SV2C: variants seen among roughly 807,000 people sequenced by gnomAD.
The protein encoded by SV2C is synaptic vesicle glycoprotein 2C.
Under a neutral mutation model 79.7 loss-of-function variants are expected in SV2C, and 49 were observed. That is an observed-to-expected ratio of 0.61 (90% CI 0.49 to 0.78). The LOEUF (loss-of-function observed/expected upper bound fraction) is 0.78. SV2C is among the 30% of genes least tolerant of loss of function. The probability of loss-of-function intolerance (pLI) is 0.00; values close to 1 mark genes in which losing one functional copy is unlikely to be tolerated. For synonymous variants in SV2C, 334 were observed against 333.2 expected, an observed-to-expected ratio of 1.00 and a Z score of -0.03; for missense variants, 833 against 912.9, an observed-to-expected ratio of 0.91 and a Z score of 1.13.
In SV2C at chr5:76,267,322, A is replaced by AT. The variant is rs1746694461; in HGVS notation, c.914-17839dup. Among the ~76,000 whole-genome samples the AT allele has an allele frequency of 3.3e-5, 5 of 152,220 alleles. No homozygotes were observed. The South Asian group carries it at 1.0e-3, about 31-fold the overall frequency. On this transcript the variant is annotated intron_variant, in intron 4 of 12. Coordinates refer to ENST00000502798, the MANE Select transcript of SV2C (RefSeq NM_014979.4). Reference sequence around the variant, plus strand: ...GGAAATTTATGGTTAATGCATATATATGAGGGAGTCTCTGAACCTATTCTG... The same window carrying AT: ...GGAAATTTATGGTTAATGCATATATATTGAGGGAGTCTCTGAACCTATTCTG...
chr5:75,943,442 A>T, the SV2C span, among the ~76,000 whole-genome samples: 8 of 152,142 alleles, frequency 5.3e-5, no homozygotes, highest in African/African-American at 1.9e-4. Flanking sequence ...TCTTTTTCTC[A>T]GAACACAATG....
intron 12 of SV2C, among the ~76,000 whole-genome samples, chr5:76,320,754 T>C (rs1056164541): frequency 5.3e-5 from 8 of 152,176 alleles, no homozygotes; most frequent in African/African-American, 1.9e-4. Flanking sequence ...TAAATCTCCT[T>C]ATGTTTTTAG....
chr5:76,197,797 C>A (rs1744317697), intron 3 of SV2C, among the ~76,000 whole-genome samples: 1 of 151,976 alleles, frequency 6.6e-6, no homozygotes, highest in Admixed American at 6.6e-5. Context: ...AGTCCCATGG[C>A]AGGCCTTCTG....
chr5:75,939,344 A>G, the SV2C span, among the ~76,000 whole-genome samples: 2 of 151,934 alleles, frequency 1.3e-5, no homozygotes, highest in Non-Finnish European at 2.9e-5. Flanking sequence ...CTTTCTTTCT[A>G]TGTCCTCCCA....
intron 2 of SV2C, among the ~76,000 whole-genome samples, chr5:76,189,593 C>T (rs1282449018): frequency 2.0e-5 from 3 of 152,212 alleles, no homozygotes; most frequent in African/African-American, 7.2e-5. Flanking sequence ...GTGTTTTAAC[C>T]TATAAGCATA....
At chr5:76,259,655 G>A (rs1746401237) in intron 4 of SV2C, among the ~76,000 whole-genome samples, 1 of 149,808 alleles carries the variant, frequency 6.7e-6, no homozygotes, top group Non-Finnish European at 1.5e-5. Context: ...ATGTTCATGT[G>A]TTCTCATTGT....
At chr5:76,105,325 T>G (rs950353801) in intron 1 of SV2C, among the ~76,000 whole-genome samples, 1 of 152,146 alleles carries the variant, frequency 6.6e-6, no homozygotes, top group Non-Finnish European at 1.5e-5. Flanking sequence ...TTCTGTTGCT[T>G]TAAGTCATGA....
At chr5:76,232,754 T>A (rs750747263) in intron 4 of SV2C, among the ~76,000 whole-genome samples, 24 of 141,726 alleles carry the variant, frequency 1.7e-4, no homozygotes, top group South Asian at 1.3e-3. Context: ...GTTGTAGATA[T>A]GCGGCATTAT....
Position 76,295,959 on chromosome 5 carries a change from T to TA in SV2C, c.1502+19dup. On this transcript the variant is annotated intron_variant, in intron 9 of 12. Coordinates refer to ENST00000502798, the MANE Select transcript of SV2C (RefSeq NM_014979.4). ...CAATGGCAGGTCTAGAAACTTGAAA[T>TA]AATTTAATTTGCTACCTATTCACAA... The TA allele has an allele frequency of 1.3e-6, 2 of 1,548,392 alleles. No individual in the cohort carries two copies. Among genetic ancestry groups the TA allele is most frequent in the Non-Finnish European group, 1.7e-6 (2 of 1,148,634 alleles).
the SV2C span, among the ~76,000 whole-genome samples, chr5:75,941,670 ATTGTCT>A: frequency 6.6e-6 from 1 of 152,056 alleles, no homozygotes; most frequent in Non-Finnish European, 1.5e-5. Context: ...AACCCTTGTT[ATTGTCT>A]TTTGTTATAA....
At chr5:76,234,454 A>G (rs1477069128) in intron 4 of SV2C, among the ~76,000 whole-genome samples, 1 of 152,198 alleles carries the variant, frequency 6.6e-6, no homozygotes, top group Non-Finnish European at 1.5e-5. Flanking sequence ...AAGTTTTCTT[A>G]GAGGAAAGTT....
At chr5:76,141,611 G>A (rs1379766319) in intron 2 of SV2C, among the ~76,000 whole-genome samples, 3 of 151,866 alleles carry the variant, frequency 2.0e-5, no homozygotes, top group Non-Finnish European at 4.4e-5. Context: ...ATCACTTGAG[G>A]TCAGGAGCTC....
the SV2C span, among the ~76,000 whole-genome samples, chr5:75,921,876 T>TATTC: frequency 2.5e-3 from 374 of 152,164 alleles, 1 homozygote; most frequent in South Asian, 0.016. Context: ...TCAATTTGTT[T>TATTC]ATTCATTCAT....
At chr5:76,253,827 A>G (rs1317510488) in intron 4 of SV2C, among the ~76,000 whole-genome samples, 1 of 152,148 alleles carries the variant, frequency 6.6e-6, no homozygotes, top group Non-Finnish European at 1.5e-5. Context: ...ACCTACAGGC[A>G]TAATTTAACT....
chr5:76,271,318 A>T (rs984734874), intron 4 of SV2C, among the ~76,000 whole-genome samples: 2 of 152,198 alleles, frequency 1.3e-5, no homozygotes, highest in Admixed American at 6.5e-5. Flanking sequence ...TTGATTTTAT[A>T]ACAGGTATAT....
the SV2C span, among the ~76,000 whole-genome samples, chr5:75,948,564 C>A: frequency 5.3e-5 from 8 of 151,818 alleles, no homozygotes; most frequent in African/African-American, 1.9e-4. Flanking sequence ...GAGTGAAAGT[C>A]CTGGATGGGG....
chr5:76,252,569 G>A (rs888757313), intron 4 of SV2C, among the ~76,000 whole-genome samples: 1 of 152,164 alleles, frequency 6.6e-6, no homozygotes, highest in African/African-American at 2.4e-5. Flanking sequence ...GTAACCTCTG[G>A]GCTCTGAACA....
chr5:76,174,087 C>A, intron 2 of SV2C: 1 of 1,576,858 alleles, frequency 6.3e-7, no homozygotes, highest in African/African-American at 1.3e-5. Flanking sequence ...ATCGTAGGAT[C>A]GTATTTTTCT....
the SV2C span, among the ~76,000 whole-genome samples, chr5:75,879,013 T>C: frequency 6.6e-6 from 1 of 152,096 alleles, no homozygotes; most frequent in African/African-American, 2.4e-5. Context: ...GAAAGAGTGA[T>C]GGTGGATGTG....
Sources: gnomAD v4.1 joint callset for allele counts (sites outside exome capture counted in the v4.1 genomes callset) on GRCh38, gnomAD v4.1.1 for gene constraint, MANE v1.5 for transcripts, NCBI Gene and HGNC (gene_info 2026-07-23, HGNC 2026-07-21) for gene names.